The following B4GALT6 variants were observed in gnomAD, a reference collection of about 807,000 sequenced individuals.
The protein encoded by B4GALT6 is beta-1,4-galactosyltransferase 6.
Under a neutral mutation model 46.3 loss-of-function variants are expected in B4GALT6, and 14 were observed. That is an observed-to-expected ratio of 0.30 (90% CI 0.20 to 0.47). B4GALT6 has a LOEUF of 0.47. Among genes scored for constraint, B4GALT6 ranks in the 20% least tolerant of loss-of-function variants. The pLI is 0.99. For missense variants in B4GALT6, 386 were observed against 480.1 expected, an observed-to-expected ratio of 0.80 and a Z score of 1.83; for synonymous variants, 168 against 162.0, an observed-to-expected ratio of 1.04 and a Z score of -0.28.
chr18:31,647,634 G>A (rs1056869115), intron 3 of B4GALT6, among the ~76,000 whole-genome samples: 6 of 152,152 alleles, frequency 3.9e-5, no homozygotes, highest in African/African-American at 9.7e-5. Flanking sequence ...GGAGTGTAGG[G>A]GACAGGCCTC....
At chr18:31,629,665 C>G (rs2073754630) in intron 6 of B4GALT6, among the ~76,000 whole-genome samples, 1 of 149,746 alleles carries the variant, frequency 6.7e-6, no homozygotes, top group Non-Finnish European at 1.5e-5. Flanking sequence ...TTGGCTAACA[C>G]AGTGAAACCC....
At chr18:31,650,464 C>T (rs7241676) in intron 3 of B4GALT6, among the ~76,000 whole-genome samples, 30,612 of 152,166 alleles carry the variant, frequency 0.2, 4,214 homozygotes, top group African/African-American at 0.39. Flanking sequence ...GTGGCAAAAG[C>T]TTCTAGCTTT....
rs1023848275 is a variant in B4GALT6, at chr18:31,624,845, A to G, written c.*769T>C. ...ATCCTTTATATCATGTCACATCACA[A>G]CTTTTAAGATTTTTCTTGGTAATAC... On this transcript the variant is annotated 3_prime_UTR_variant, in exon 9 of 9. Transcript: ENST00000306851. 2.6e-5 allele frequency: 4 copies of G among 152,608 alleles called. No individual in the cohort carries two copies. The highest frequency in any genetic ancestry group is 7.2e-5 in the African/African-American group (3 of 41,450). 9.5% of individuals were successfully genotyped at this position (152,608 alleles called of 1,614,324 possible). A position where few individuals can be genotyped will look rare whatever the true frequency, so the allele number is the denominator to read the frequency against.
chr18:31,720,244 T>C, the B4GALT6 span, among the ~76,000 whole-genome samples: 1 of 152,226 alleles, frequency 6.6e-6, no homozygotes, highest in Non-Finnish European at 1.5e-5. Context: ...AAAGGTGGTT[T>C]CAATAAGAAG....
intron 2 of B4GALT6, among the ~76,000 whole-genome samples, chr18:31,658,739 G>A (rs1346591090): frequency 6.6e-6 from 1 of 152,186 alleles, no homozygotes; most frequent in Non-Finnish European, 1.5e-5. Context: ...CCAACACACT[G>A]TAGCTGTGTG....
chr18:31,720,527 G>A, the B4GALT6 span, among the ~76,000 whole-genome samples: 3 of 152,218 alleles, frequency 2.0e-5, no homozygotes, highest in Admixed American at 2.0e-4. Flanking sequence ...CCTGGAGCAG[G>A]AACCAGGGAG....
the B4GALT6 span, among the ~76,000 whole-genome samples, chr18:31,705,687 C>T: frequency 1.2e-4 from 19 of 152,306 alleles, no homozygotes; most frequent in East Asian, 3.7e-3. Context: ...CACACTCAGC[C>T]CCTTTGACTT....
chr18:31,703,325 A>G, the B4GALT6 span, among the ~76,000 whole-genome samples: 109,465 of 151,826 alleles, frequency 0.72, 41,041 homozygotes, highest in Non-Finnish European at 0.83. Context: ...GTCTGAGGAG[A>G]AAAAAAAATA....
At chr18:31,630,264 A>G (rs879400548) in intron 6 of B4GALT6, among the ~76,000 whole-genome samples, 1 of 152,232 alleles carries the variant, frequency 6.6e-6, no homozygotes, top group Non-Finnish European at 1.5e-5. Context: ...TAAGCAACAA[A>G]CAGATTTTCT....
the B4GALT6 span, among the ~76,000 whole-genome samples, chr18:31,712,984 A>G: frequency 1.3e-5 from 2 of 152,228 alleles, no homozygotes; most frequent in South Asian, 2.1e-4. Context: ...TGTATTAACA[A>G]AAAAGTCTGT....
the B4GALT6 span, among the ~76,000 whole-genome samples, chr18:31,700,324 G>T: frequency 2.6e-5 from 4 of 152,060 alleles, no homozygotes; most frequent in Non-Finnish European, 4.4e-5. Flanking sequence ...GGAAGCAAAT[G>T]ATATAATCAA....
chr18:31,722,258 T>C, the B4GALT6 span, among the ~76,000 whole-genome samples: 2 of 152,120 alleles, frequency 1.3e-5, no homozygotes, highest in Admixed American at 6.5e-5. Flanking sequence ...ACCATTCATA[T>C]AGAAGGAGGA....
intron 1 of B4GALT6, among the ~76,000 whole-genome samples, chr18:31,674,900 G>A (rs1039813729): frequency 2.0e-5 from 3 of 152,086 alleles, no homozygotes; most frequent in Non-Finnish European, 4.4e-5. Flanking sequence ...TGACCATGGT[G>A]ACAATAATTC....
chr18:31,700,464 T>TGA, the B4GALT6 span, among the ~76,000 whole-genome samples: 1,211 of 146,588 alleles, frequency 8.3e-3, 10 homozygotes, highest in African/African-American at 0.012. Flanking sequence ...TGTGTGTGTG[T>TGA]GTGTGAGAGA....
chr18:31,687,831 C>T (rs2029978335), upstream of B4GALT6, among the ~76,000 whole-genome samples: 1 of 151,928 alleles, frequency 6.6e-6, no homozygotes, highest in South Asian at 2.1e-4. Flanking sequence ...ACACAGATTG[C>T]AACTGAAAAA....
At chr18:31,668,640 C>A (rs941200573) in intron 1 of B4GALT6, among the ~76,000 whole-genome samples, 1 of 152,046 alleles carries the variant, frequency 6.6e-6, no homozygotes, top group Non-Finnish European at 1.5e-5. Flanking sequence ...TCTGCAACAA[C>A]TGATATAGTG....
chr18:31,625,523 G>C lies in B4GALT6; in HGVS notation c.*91C>G. 7.0e-7 allele frequency: 1 copy of C among 1,436,750 alleles called. No homozygotes were observed. Among genetic ancestry groups the C allele is most frequent in the Non-Finnish European group, 9.7e-7 (1 of 1,033,816 alleles). The allele number at this position is 1,436,750 out of a possible 1,614,324, so 89.0% of individuals were successfully genotyped here. ...GGCTCTTCTCAGAGAAAAGGGCACT[G>C]TGACACAGCCAATCACTGACCTCCA... On this transcript the variant is annotated 3_prime_UTR_variant, in exon 9 of 9. Transcript: ENST00000306851.
intron 5 of B4GALT6, among the ~76,000 whole-genome samples, chr18:31,634,695 C>T (rs1383094318): frequency 6.6e-6 from 1 of 152,204 alleles, no homozygotes; most frequent in African/African-American, 2.4e-5. Context: ...AATTCCTGAG[C>T]TGCTCTTCAA....
rs998599702 is a variant in B4GALT6, at chr18:31,658,914, G to A, written c.233-825C>T. 6.5e-4 allele frequency among the ~76,000 whole-genome samples: 99 copies of A among 152,164 alleles called. 2 individuals carry two copies. The highest frequency in any genetic ancestry group is 1.5e-4 in the Non-Finnish European group (10 of 68,032). ...GATTAGAGATGAGCACCTGACCCAC[G>A]AGACAGTCACAGGCTCAGGATTTTT... On this transcript the variant is annotated intron_variant, in intron 2 of 8. Transcript: ENST00000306851.
Sources: gnomAD v4.1 joint callset for allele counts (sites outside exome capture counted in the v4.1 genomes callset) on GRCh38, gnomAD v4.1.1 for gene constraint, MANE v1.5 for transcripts, NCBI Gene and HGNC (gene_info 2026-07-23, HGNC 2026-07-21) for gene names.